GRXCR1: variants seen among roughly 807,000 people sequenced by gnomAD.
The protein encoded by GRXCR1 is glutaredoxin domain-containing cysteine-rich protein 1.
Under a neutral mutation model 27.3 loss-of-function variants are expected in GRXCR1, and 27 were observed. The ratio of observed to expected loss-of-function variants is 0.99; its 90% CI spans 0.73 to 1.37. The LOEUF is 1.37. GRXCR1 is among the 40% of genes most tolerant of loss of function. GRXCR1 has a pLI of 0.00. For missense variants in GRXCR1, 379 were observed against 354.4 expected (o/e 1.07, Z -0.56); for synonymous variants, 122 against 131.1 (o/e 0.93, Z 0.47).
intron 2 of GRXCR1, among the ~76,000 whole-genome samples, chr4:43,002,110 A>G (rs1297541382): frequency 2.0e-5 from 3 of 152,198 alleles, no homozygotes; most frequent in Non-Finnish European, 4.4e-5. Context: ...TTTTATACTG[A>G]GACATTCAGT....
chr4:42,909,013 A>G (rs767402738), intron 1 of GRXCR1, among the ~76,000 whole-genome samples: 7 of 152,204 alleles, frequency 4.6e-5, no homozygotes, highest in Admixed American at 6.5e-5. Flanking sequence ...AGAGCCAGCA[A>G]ACAAGACATA....
At chr4:42,947,521 C>A in intron 1 of GRXCR1, among the ~76,000 whole-genome samples, 1 of 152,204 alleles carries the variant, frequency 6.6e-6, no homozygotes, top group African/African-American at 2.4e-5. Flanking sequence ...TCAATGATTG[C>A]TTTTTCCAAT....
At chr4:43,022,226 A>G (rs181974691) in intron 3 of GRXCR1, among the ~76,000 whole-genome samples, 25 of 152,338 alleles carry the variant, frequency 1.6e-4, no homozygotes, top group African/African-American at 5.5e-4. Context: ...TGTTGCATCA[A>G]TATCATACTA....
At chr4:42,963,507 A>G (rs1365816916) in intron 2 of GRXCR1, among the ~76,000 whole-genome samples, 1 of 152,006 alleles carries the variant, frequency 6.6e-6, no homozygotes, top group Admixed American at 6.6e-5. Flanking sequence ...CATATACAGC[A>G]TTATCAATCA....
At chr4:42,985,402 T>C (rs1462661124) in intron 2 of GRXCR1, among the ~76,000 whole-genome samples, 1 of 150,604 alleles carries the variant, frequency 6.6e-6, no homozygotes, top group African/African-American at 2.5e-5. Context: ...TTTTCAAGGA[T>C]TTTTTCTGAA....
At chr4:42,928,501 A>T (rs907072076) in intron 1 of GRXCR1, among the ~76,000 whole-genome samples, 8 of 151,944 alleles carry the variant, frequency 5.3e-5, no homozygotes, top group Non-Finnish European at 1.2e-4. Context: ...TAATTGCGTT[A>T]TTCTGTGTTT....
intron 1 of GRXCR1, among the ~76,000 whole-genome samples, chr4:42,960,974 CTATTTTTCCTA>C (rs1748118241): frequency 6.6e-6 from 1 of 151,798 alleles, no homozygotes; most frequent in Non-Finnish European, 1.5e-5. Context: ...CATGCATTTT[CTATTTTTCCTA>C]ATGCTCTCAC....
At chr4:42,914,497 T>C (rs1013588099) in intron 1 of GRXCR1, among the ~76,000 whole-genome samples, 9 of 152,244 alleles carry the variant, frequency 5.9e-5, no homozygotes, top group Admixed American at 2.0e-4. Flanking sequence ...ACCCAGCACC[T>C]GTACCTTCAT....
At chr4:42,981,880 A>T (rs1748678990) in intron 2 of GRXCR1, among the ~76,000 whole-genome samples, 1 of 151,900 alleles carries the variant, frequency 6.6e-6, no homozygotes, top group Admixed American at 6.6e-5. Context: ...GATTTTTGAC[A>T]GTTTGATTAT....
chr4:42,924,314 T>C (rs1278493786), intron 1 of GRXCR1, among the ~76,000 whole-genome samples: 1 of 152,092 alleles, frequency 6.6e-6, no homozygotes, highest in Non-Finnish European at 1.5e-5. Flanking sequence ...TGTGTGTGTG[T>C]TTGTATGCAT....
At chr4:42,974,077 C>G (rs984065435) in intron 2 of GRXCR1, among the ~76,000 whole-genome samples, 1 of 152,062 alleles carries the variant, frequency 6.6e-6, no homozygotes, top group African/African-American at 2.4e-5. Context: ...ACTGAGACAG[C>G]AGGGTTTGCA....
chr4:42,942,794 C>G (rs772780222), intron 1 of GRXCR1, among the ~76,000 whole-genome samples: 1 of 152,072 alleles, frequency 6.6e-6, no homozygotes, highest in Non-Finnish European at 1.5e-5. Context: ...CTTGCTCTTT[C>G]TATTTCCTTA....
intron 1 of GRXCR1, among the ~76,000 whole-genome samples, chr4:42,904,611 G>A (rs1030189156): frequency 6.6e-6 from 1 of 152,002 alleles, no homozygotes; most frequent in African/African-American, 2.4e-5. Context: ...TGGGGATAAT[G>A]GTTGTGACTA....
rs930026655 is a variant in GRXCR1, at chr4:42,893,639, A to G, written c.373A>G (p.Lys125Glu). 4 of 1,613,126 alleles carry G rather than the reference A, an allele frequency of 2.5e-6. No individual in the cohort carries two copies. The highest frequency in any genetic ancestry group is 1.3e-5 in the African/African-American group (1 of 74,890). Residue 125 changes from lysine to glutamate, a missense_variant, in exon 1 of 4, where the codon AAA becomes GAA. Physicochemically the swap from Lys to Glu is moderately conservative, Grantham distance 56. Coordinates refer to ENST00000399770, the MANE Select transcript of GRXCR1 (RefSeq NM_001080476.3). Reference sequence around the variant, plus strand: ...CCAGGCTCTATTTAACAATTTGACCAAAGTATTACAGGTAAGTCATTGCTG... The same window carrying G: ...CCAGGCTCTATTTAACAATTTGACCGAAGTATTACAGGTAAGTCATTGCTG... The part of the protein sequence containing the change: ...AGQALFNNLT[K>E]VLQQPSTDLE...
At chr4:43,020,319 A>G (rs771146989) in intron 2 of GRXCR1, 35 bp from the exon 3 acceptor site, 4 of 1,381,478 alleles carry the variant, frequency 2.9e-6, no homozygotes, top group East Asian at 4.6e-5. Context: ...TACTAACAAA[A>G]ATGGATTTTT....
chr4:43,009,480 T>A (rs1269617410), intron 2 of GRXCR1, among the ~76,000 whole-genome samples: 1 of 152,204 alleles, frequency 6.6e-6, no homozygotes, highest in East Asian at 1.9e-4. Context: ...TAGATCTATA[T>A]GTATTAGTCC....
At chr4:43,009,716 C>G (rs1299557161) in intron 2 of GRXCR1, among the ~76,000 whole-genome samples, 1 of 152,074 alleles carries the variant, frequency 6.6e-6, no homozygotes, top group Non-Finnish European at 1.5e-5. Context: ...GGCATTAATC[C>G]TATTCCTCAG....
At chr4:42,910,917 T>A (rs1746709694) in intron 1 of GRXCR1, among the ~76,000 whole-genome samples, 1 of 152,198 alleles carries the variant, frequency 6.6e-6, no homozygotes, top group South Asian at 2.1e-4. Flanking sequence ...TAACTCCAGA[T>A]GTGACTCTTT....
At chr4:42,914,173 C>T (rs1348190937) in intron 1 of GRXCR1, among the ~76,000 whole-genome samples, 1 of 152,206 alleles carries the variant, frequency 6.6e-6, no homozygotes, top group African/African-American at 2.4e-5. Context: ...AGACAGCCAC[C>T]ATCCTCCAAT....
Sources: gnomAD v4.1 joint callset for allele counts (sites outside exome capture counted in the v4.1 genomes callset) on GRCh38, gnomAD v4.1.1 for gene constraint, MANE v1.5 for transcripts, NCBI Gene and HGNC (gene_info 2026-07-23, HGNC 2026-07-21) for gene names.